The following NXN variants were observed in gnomAD, a reference collection of about 807,000 sequenced individuals.
The protein encoded by NXN is nucleoredoxin.
Under a neutral mutation model 48.6 loss-of-function variants are expected in NXN, and 16 were observed. The observed-to-expected ratio is 0.33, with a 90% CI of 0.22 to 0.50. The LOEUF is 0.50. NXN is among the 20% of genes least tolerant of loss of function. The pLI is 0.98. For synonymous variants in NXN, 281 were observed against 269.6 expected (o/e 1.04, Z -0.41); for missense variants, 492 against 605.5 (o/e 0.81, Z 1.97).
intron 1 of NXN, among the ~76,000 whole-genome samples, chr17:850,435 T>C (rs1484194473): frequency 6.6e-6 from 1 of 152,236 alleles, no homozygotes; most frequent in Non-Finnish European, 1.5e-5. Flanking sequence ...CACATGTGTG[T>C]GGACATGAGA....
At chr17:886,098 G>A (rs1050649607) in intron 1 of NXN, among the ~76,000 whole-genome samples, 1 of 152,046 alleles carries the variant, frequency 6.6e-6, no homozygotes, top group African/African-American at 2.4e-5. Context: ...GGGGCCAGGT[G>A]GAGCCCATCA....
At chr17:833,716 C>T (rs1913626785) in intron 1 of NXN, among the ~76,000 whole-genome samples, 1 of 152,056 alleles carries the variant, frequency 6.6e-6, no homozygotes. Flanking sequence ...GTCTACAGAC[C>T]CCAAATGAAG....
chr17:971,893 C>T (rs993992107), intron 1 of NXN, among the ~76,000 whole-genome samples: 1 of 152,102 alleles, frequency 6.6e-6, no homozygotes, highest in Non-Finnish European at 1.5e-5. Flanking sequence ...CCTGGCCGGG[C>T]GCCGCAGCTC....
At chr17:964,998 G>T (rs949036706) in intron 1 of NXN, among the ~76,000 whole-genome samples, 1 of 152,162 alleles carries the variant, frequency 6.6e-6, no homozygotes, top group Non-Finnish European at 1.5e-5. Flanking sequence ...AGAGGGCAGG[G>T]CAGTCAGGAT....
At chr17:827,781 G>A (rs1913212728) in intron 1 of NXN, among the ~76,000 whole-genome samples, 2 of 152,226 alleles carry the variant, frequency 1.3e-5, no homozygotes, top group Non-Finnish European at 2.9e-5. Context: ...ACGCCCTTGG[G>A]CAGAACAGGG....
At chr17:942,183 A>C (rs1178751105) in intron 1 of NXN, among the ~76,000 whole-genome samples, 7 of 142,350 alleles carry the variant, frequency 4.9e-5, no homozygotes, top group Admixed American at 4.8e-4. Flanking sequence ...GGGCGCAGCC[A>C]TGAATTCACC....
chr17:800,256 G>A lies in NXN; in HGVS notation c.*693C>T, dbSNP rs2144548813. ...GCAGAGGTGCTCCTCCTAGGACTCA[G>A]GGCTAAGTTTCTTGGGAAGATGTCC... On this transcript the variant is annotated 3_prime_UTR_variant, in exon 8 of 8. Coordinates refer to ENST00000336868, the MANE Select transcript of NXN (RefSeq NM_022463.5). 1 of 152,530 alleles carries A rather than the reference G, an allele frequency of 6.6e-6. No individual in the cohort carries two copies. Among genetic ancestry groups the A allele is most frequent in the South Asian group, 2.1e-4 (1 of 4,832 alleles). 9.4% of individuals were successfully genotyped at this position (152,530 alleles called of 1,614,324 possible).
At chr17:852,404 T>C (rs1461089887) in intron 1 of NXN, among the ~76,000 whole-genome samples, 2 of 152,206 alleles carry the variant, frequency 1.3e-5, no homozygotes, top group African/African-American at 4.8e-5. Flanking sequence ...GCTGGCATCT[T>C]GCTCCCCAAA....
chr17:871,307 G>C (rs1468111078), intron 1 of NXN, among the ~76,000 whole-genome samples: 4 of 151,724 alleles, frequency 2.6e-5, no homozygotes, highest in African/African-American at 9.7e-5. Context: ...TGACCTCAAT[G>C]ATGAGGCCAA....
chr17:892,670 C>T (rs2068436170), intron 1 of NXN, among the ~76,000 whole-genome samples: 1 of 152,188 alleles, frequency 6.6e-6, no homozygotes, highest in South Asian at 2.1e-4. Flanking sequence ...CTGTTCCGCA[C>T]ATTGTAGAAT....
At chr17:927,146 T>C (rs1278750561) in intron 1 of NXN, among the ~76,000 whole-genome samples, 1 of 151,432 alleles carries the variant, frequency 6.6e-6, no homozygotes, top group East Asian at 2.0e-4. Flanking sequence ...ACCCCGCCTC[T>C]ACTAAAAACA....
chr17:973,235 C>T (rs1362190715), intron 1 of NXN, among the ~76,000 whole-genome samples: 3 of 152,122 alleles, frequency 2.0e-5, no homozygotes, highest in East Asian at 1.9e-4. Flanking sequence ...AAACCCATCC[C>T]GCAGCATTCC....
chr17:805,609 G>C (rs980222327), intron 5 of NXN, among the ~76,000 whole-genome samples: 1 of 152,322 alleles, frequency 6.6e-6, no homozygotes, highest in East Asian at 1.9e-4. Context: ...GGCTGAGGTG[G>C]ATGGATCACT....
intron 1 of NXN, among the ~76,000 whole-genome samples, chr17:862,399 C>A (rs2144782447): frequency 6.6e-6 from 1 of 152,330 alleles, no homozygotes; most frequent in East Asian, 1.9e-4. Flanking sequence ...TGGCCCATGC[C>A]TGTAGTCCCA....
intron 1 of NXN, among the ~76,000 whole-genome samples, chr17:863,446 T>C (rs2068061910): frequency 1.3e-5 from 2 of 152,032 alleles, no homozygotes; most frequent in South Asian, 2.1e-4. Context: ...GGATTACAGG[T>C]GTGAGCCACC....
At chr17:821,984 T>TA (rs1247857933) in intron 4 of NXN, among the ~76,000 whole-genome samples, 1 of 151,868 alleles carries the variant, frequency 6.6e-6, no homozygotes, top group Non-Finnish European at 1.5e-5. Context: ...TTCAGACGAT[T>TA]AAAGGAGTAA....
At position 971,603 on chromosome 17, in the gene NXN, G is replaced by C. The variant is rs186117619; in HGVS notation, c.360+7716C>G. ...CGGGCACCTGTGGTCCCAGCTCCTCGGGAGGCTGCGGCAGGAGAATGGCGT... is the reference window on the plus strand; with the variant it reads ...CGGGCACCTGTGGTCCCAGCTCCTCCGGAGGCTGCGGCAGGAGAATGGCGT... On this transcript the variant is annotated intron_variant, in intron 1 of 7. Coordinates refer to ENST00000336868, the MANE Select transcript of NXN (RefSeq NM_022463.5). Among the ~76,000 whole-genome samples the C allele has an allele frequency of 4.4e-3, 670 of 151,942 alleles. 6 individuals are homozygous for C. Among genetic ancestry groups the C allele is most frequent in the African/African-American group, 0.015 (636 of 41,478 alleles).
At chr17:877,154 T>C in intron 1 of NXN, among the ~76,000 whole-genome samples, 1 of 151,686 alleles carries the variant, frequency 6.6e-6, no homozygotes, top group Non-Finnish European at 1.5e-5. Flanking sequence ...GCGACGGTGT[T>C]GTTTTTTTTT....
intron 1 of NXN, among the ~76,000 whole-genome samples, chr17:847,561 C>A (rs1014170487): frequency 6.6e-6 from 1 of 152,150 alleles, no homozygotes; most frequent in African/African-American, 2.4e-5. Context: ...CTGCAAACAG[C>A]CTCAGCCCCA....
Sources: gnomAD v4.1 joint callset for allele counts (sites outside exome capture counted in the v4.1 genomes callset) on GRCh38, gnomAD v4.1.1 for gene constraint, MANE v1.5 for transcripts, NCBI Gene and HGNC (gene_info 2026-07-23, HGNC 2026-07-21) for gene names.